Variants in MYO16 observed in about 807,000 individuals in gnomAD.
MYO16 encodes myosin XVI, also known as unconventional myosin-XVI.
Under a neutral mutation model 205.3 loss-of-function variants are expected in MYO16, and 94 were observed. That is an observed-to-expected ratio of 0.46 (90% confidence interval 0.39 to 0.54). The LOEUF is 0.54. MYO16 is among the 20% of genes least tolerant of loss of function. The pLI, the probability that MYO16 is intolerant of heterozygous loss-of-function variation, is 0.00. For synonymous variants in MYO16, 988 were observed against 954.0 expected (o/e 1.04, Z -0.66); for missense variants, 2,315 against 2,387.5 (o/e 0.97, Z 0.63).
intron 15 of MYO16, among the ~76,000 whole-genome samples, chr13:108,900,903 C>A (rs909495233): frequency 1.3e-5 from 2 of 152,168 alleles, no homozygotes; most frequent in Non-Finnish European, 2.9e-5. Flanking sequence ...AATTCTTTTT[C>A]TCAGCAAGGA....
At chr13:108,727,358 T>C in intron 3 of MYO16, 82 bp from the exon 4 acceptor site, 1 of 1,453,864 alleles carries the variant, frequency 6.9e-7, no homozygotes, top group Non-Finnish European at 9.3e-7. Flanking sequence ...TATTGAAGTT[T>C]TTTTTTAAAT....
At chr13:108,776,797 C>G (rs1230296327) in intron 4 of MYO16, among the ~76,000 whole-genome samples, 1 of 152,180 alleles carries the variant, frequency 6.6e-6, no homozygotes, top group Non-Finnish European at 1.5e-5. Flanking sequence ...ATCTTCACAA[C>G]AACTCTGGGA....
intron 2 of MYO16, among the ~76,000 whole-genome samples, chr13:108,670,820 A>G (rs1881950009): frequency 1.3e-5 from 2 of 152,188 alleles, no homozygotes; most frequent in Non-Finnish European, 2.9e-5. Context: ...TCACATGTAT[A>G]TATGGATGCC....
chr13:108,866,346 AC>A (rs1878717389), intron 12 of MYO16, 104 bp downstream of exon 12: 2 of 660,748 alleles, frequency 3.0e-6, no homozygotes, highest in African/African-American at 1.9e-5. Flanking sequence ...CTTCTAAAAA[AC>A]ATTTTTAAAT....
In MYO16 at chr13:109,043,260, G is replaced by A. The variant is rs57264111; in HGVS notation, c.2797-3656G>A. On this transcript the variant is annotated intron_variant, in intron 23 of 34. Coordinates refer to ENST00000457511, the MANE Select transcript of MYO16 (RefSeq NM_001198950.3). ...CTGCAGAGACAGAACTGAGAAATGC[G>A]TAGTCATCGCCCTGAAGACACTTGG... 1.3e-3 allele frequency among the ~76,000 whole-genome samples: 204 copies of A among 152,250 alleles called. 1 individual carries two copies. The highest frequency in any genetic ancestry group is 3.9e-3 in the African/African-American group (163 of 41,544).
chr13:108,800,475 G>C (rs112002401), intron 6 of MYO16, among the ~76,000 whole-genome samples: 1 of 152,030 alleles, frequency 6.6e-6, no homozygotes, highest in Admixed American at 6.5e-5. Flanking sequence ...CCTCAGTCTC[G>C]AGGTAGAGTT....
chr13:108,923,052 G>C (rs1002893715), intron 16 of MYO16, among the ~76,000 whole-genome samples: 2 of 152,148 alleles, frequency 1.3e-5, no homozygotes, highest in South Asian at 4.1e-4. Context: ...CTTCTCTTAC[G>C]CACTTCACAA....
intron 1 of MYO16, among the ~76,000 whole-genome samples, chr13:108,631,244 T>C (rs1310435147): frequency 6.6e-6 from 1 of 152,210 alleles, no homozygotes; most frequent in Non-Finnish European, 1.5e-5. Flanking sequence ...ACAAGGAACC[T>C]GGATGCTCAT....
chr13:108,517,523 G>T, the MYO16 span, among the ~76,000 whole-genome samples: 1 of 152,206 alleles, frequency 6.6e-6, no homozygotes, highest in Non-Finnish European at 1.5e-5. Context: ...GGAAAAATAT[G>T]TGGGTATTAG....
rs556436783 is a variant in MYO16, at chr13:109,105,074, GGACA to G, written c.3438+4192_3438+4195del. On this transcript the variant is annotated intron_variant, in intron 28 of 34. Transcript: ENST00000457511. ...AGCATAGAAGCCAGAGAAAGACACAGGACAGACACTCTGTGCCTGGATGCTGGGC... is the reference window on the plus strand; with the variant it reads ...AGCATAGAAGCCAGAGAAAGACACAGGACACTCTGTGCCTGGATGCTGGGC... 1.7e-3 allele frequency among the ~76,000 whole-genome samples: 259 copies of G among 152,328 alleles called. 1 individual carries two copies. Among genetic ancestry groups the G allele is most frequent in the Non-Finnish European group, 3.1e-3 (213 of 68,026 alleles).
chr13:108,975,184 G>GTTTTTT (rs200122414), intron 20 of MYO16, among the ~76,000 whole-genome samples: 1 of 144,602 alleles, frequency 6.9e-6, no homozygotes, highest in African/African-American at 2.6e-5. Context: ...TTGGGATACT[G>GTTTTTT]TTTTTGTTTT....
intron 1 of MYO16, among the ~76,000 whole-genome samples, chr13:108,618,828 A>T (rs1003042871): frequency 6.6e-6 from 1 of 152,146 alleles, no homozygotes; most frequent in Non-Finnish European, 1.5e-5. Context: ...ACAACACTTA[A>T]ACAATAGATT....
chr13:108,801,583 A>G (rs1335796507), intron 6 of MYO16, among the ~76,000 whole-genome samples: 1 of 152,242 alleles, frequency 6.6e-6, no homozygotes, highest in Non-Finnish European at 1.5e-5. Context: ...GTATAATTGT[A>G]TACTATGCTT....
At chr13:108,858,868 C>T (rs541816782) in intron 11 of MYO16, among the ~76,000 whole-genome samples, 23 of 152,266 alleles carry the variant, frequency 1.5e-4, no homozygotes, top group Admixed American at 3.9e-4. Flanking sequence ...TGCTGGCACC[C>T]TACCCTGGGT....
At chr13:109,070,197 G>A (rs1283904183) in intron 27 of MYO16, among the ~76,000 whole-genome samples, 1 of 152,132 alleles carries the variant, frequency 6.6e-6, no homozygotes, top group Non-Finnish European at 1.5e-5. Flanking sequence ...GACAAAGCAG[G>A]ACATACAGTC....
chr13:108,857,056 C>G (rs1856280), intron 11 of MYO16, among the ~76,000 whole-genome samples: 1 of 151,972 alleles, frequency 6.6e-6, no homozygotes, highest in Non-Finnish European at 1.5e-5. Flanking sequence ...ACCTGATTAT[C>G]GCCTGCCTTC....
chr13:109,040,319 A>G (rs765271674), intron 23 of MYO16, among the ~76,000 whole-genome samples: 6 of 151,476 alleles, frequency 4.0e-5, no homozygotes, highest in Non-Finnish European at 8.8e-5. Flanking sequence ...CATTTGATAA[A>G]GCAAGTATTA....
At chr13:108,688,790 A>G (rs536351722) in intron 2 of MYO16, among the ~76,000 whole-genome samples, 70 of 152,338 alleles carry the variant, frequency 4.6e-4, no homozygotes, top group African/African-American at 1.6e-3. Flanking sequence ...AATATATTTT[A>G]GAAAGACCGT....
intron 1 of MYO16, among the ~76,000 whole-genome samples, chr13:108,663,313 A>ATTT (rs34321775): frequency 1.1e-4 from 17 of 149,468 alleles, no homozygotes; most frequent in African/African-American, 4.2e-4. Context: ...TTCTTTCTTT[A>ATTT]TTTTTTTTTT....
Sources: gnomAD v4.1 joint callset for allele counts (sites outside exome capture counted in the v4.1 genomes callset) on GRCh38, gnomAD v4.1.1 for gene constraint, MANE v1.5 for transcripts, NCBI Gene and HGNC (gene_info 2026-07-23, HGNC 2026-07-21) for gene names.